FHIP1A: variants seen among roughly 807,000 people sequenced by gnomAD.
The protein encoded by FHIP1A is FHF complex subunit HOOK-interacting protein 1A.
In FHIP1A, 61 loss-of-function variants were observed where a neutral mutation model predicts 88.6. The ratio of observed to expected loss-of-function variants is 0.69; its 90% CI spans 0.56 to 0.85. The LOEUF is 0.85. Ranked by LOEUF, FHIP1A falls within the 40% of genes least tolerant of loss-of-function variation. The probability of loss-of-function intolerance (pLI) is 0.00; values close to 1 mark genes in which losing one functional copy is unlikely to be tolerated. For missense variants in FHIP1A, 1,154 were observed against 1,273.5 expected (o/e 0.91, Z 1.43); for synonymous variants, 478 against 496.0 (o/e 0.96, Z 0.48).
rs1187791295 is a variant in FHIP1A, at chr4:151,656,278, G to T, written c.2598G>T (p.Glu866Asp). Residue 866 changes from glutamate to aspartate, a missense_variant, in exon 12 of 14, where the codon GAG becomes GAT. Transcript: ENST00000435205. This position sits in a 1 kb window ranked among gnomAD's most constrained non-coding sequence, Gnocchi z 4.2. ...VVLSKLENML[E>D]NSLHVNLLLI... ...TGTCAAAGCTGGAGAACATGCTGGA[G>T]AACTCTTTACATGTTAATTTGCTGC... 1 of 1,551,652 alleles carries T rather than the reference G, an allele frequency of 6.4e-7. No individual in the cohort carries two copies. The highest frequency in any genetic ancestry group is 8.7e-7 in the Non-Finnish European group (1 of 1,146,970).
intron 2 of FHIP1A, among the ~76,000 whole-genome samples, chr4:151,475,441 A>G (rs191521041): frequency 3.9e-5 from 6 of 152,314 alleles, no homozygotes; most frequent in African/African-American, 1.4e-4. Context: ...TAGACAGGAA[A>G]GGCTTCTGTA....
chr4:151,648,348 G>A (rs551880018), intron 10 of FHIP1A, among the ~76,000 whole-genome samples: 1 of 152,282 alleles, frequency 6.6e-6, no homozygotes, highest in East Asian at 1.9e-4. Context: ...AATACTGCCA[G>A]TAGTAGTATT....
chr4:151,470,272 T>C (rs2126615437), intron 2 of FHIP1A, among the ~76,000 whole-genome samples: 1 of 152,312 alleles, frequency 6.6e-6, no homozygotes, highest in South Asian at 2.1e-4. Flanking sequence ...GCAAATGTGT[T>C]ATGTCTATGA....
intron 1 of FHIP1A, among the ~76,000 whole-genome samples, chr4:151,452,058 C>T (rs1035761851): frequency 6.0e-4 from 91 of 152,252 alleles, no homozygotes; most frequent in African/African-American, 2.1e-3. Flanking sequence ...GGAGCTCAAG[C>T]AATCCTCTTG....
chr4:151,582,694 C>T (rs1367319836), intron 5 of FHIP1A, among the ~76,000 whole-genome samples: 1 of 151,982 alleles, frequency 6.6e-6, no homozygotes, highest in Non-Finnish European at 1.5e-5. Context: ...AAAATAAGTG[C>T]AAATAAGTGA....
rs185916285 is a variant in FHIP1A, at chr4:151,415,252, T to C, written c.-356+5787T>C. Reference sequence around the variant, plus strand: ...CCCAGGCTGGAGTGCAGTGGTGCAATGTCAGCTCACTGCAACCTCTCCCTC... The same window carrying C: ...CCCAGGCTGGAGTGCAGTGGTGCAACGTCAGCTCACTGCAACCTCTCCCTC... On this transcript the variant is annotated intron_variant, in intron 1 of 13. Coordinates refer to ENST00000435205, the MANE Select transcript of FHIP1A (RefSeq NM_001109977.3). Among the ~76,000 whole-genome samples, 27 of 151,822 alleles carry C rather than the reference T, an allele frequency of 1.8e-4. No homozygotes were observed. In the East Asian group the frequency reaches 5.2e-3, roughly 29 times the overall value.
Position 151,656,160 on chromosome 4 carries a change from G to A in FHIP1A, c.2552-72G>A. ...GTGGTTTGGGAGATGTGGCACCGAT[G>A]GTTCTGCAATTGTCAGGGAAAGGCA... On this transcript the variant is annotated intron_variant, in intron 11 of 13. Coordinates refer to ENST00000435205, the MANE Select transcript of FHIP1A (RefSeq NM_001109977.3). This position sits in a 1 kb window ranked among gnomAD's most constrained non-coding sequence, Gnocchi z 4.2. The A allele has an allele frequency of 8.0e-7, 1 of 1,256,234 alleles. No individual in the cohort carries two copies. Among genetic ancestry groups the A allele is most frequent in the Non-Finnish European group, 1.1e-6 (1 of 892,312 alleles). The allele number at this position is 1,256,234 out of a possible 1,614,324, so 77.8% of individuals were successfully genotyped here.
chr4:151,540,854 G>A (rs1167495181), intron 3 of FHIP1A, among the ~76,000 whole-genome samples: 1 of 152,092 alleles, frequency 6.6e-6, no homozygotes, highest in Admixed American at 6.6e-5. Context: ...TGGCTTCCTG[G>A]TCCAATGTTC....
chr4:151,621,969 C>T (rs1399808242), intron 7 of FHIP1A, among the ~76,000 whole-genome samples: 1 of 152,184 alleles, frequency 6.6e-6, no homozygotes, highest in Non-Finnish European at 1.5e-5. Context: ...GCATCCCCAA[C>T]ATGGGCTGTT....
chr4:151,437,364 A>C (rs1040958055), intron 1 of FHIP1A, among the ~76,000 whole-genome samples: 1 of 152,118 alleles, frequency 6.6e-6, no homozygotes, highest in Non-Finnish European at 1.5e-5. Flanking sequence ...AAAATGTTGA[A>C]TATAAGAGCC....
intron 1 of FHIP1A, among the ~76,000 whole-genome samples, chr4:151,435,824 T>C (rs1728168788): frequency 1.3e-5 from 2 of 151,628 alleles, no homozygotes; most frequent in Non-Finnish European, 2.9e-5. Context: ...GTATAAAAAA[T>C]CTTTGTAGAA....
At chr4:151,603,788 T>C (rs1734966257) in intron 7 of FHIP1A, among the ~76,000 whole-genome samples, 1 of 152,230 alleles carries the variant, frequency 6.6e-6, no homozygotes, top group Non-Finnish European at 1.5e-5. Context: ...TCTTCCCAAA[T>C]ATAGTGCCAA....
chr4:151,468,284 C>CAAAAAA (rs921242622), intron 2 of FHIP1A, among the ~76,000 whole-genome samples: 11 of 38,246 alleles, frequency 2.9e-4, no homozygotes, highest in East Asian at 1.5e-3. Context: ...GACTCCATCT[C>CAAAAAA]AAAAAAAAAA....
At chr4:151,655,584 G>A (rs1421866299) in intron 11 of FHIP1A, among the ~76,000 whole-genome samples, 1 of 152,106 alleles carries the variant, frequency 6.6e-6, no homozygotes, top group Non-Finnish European at 1.5e-5. Context: ...TGGTTACCGA[G>A]TTGCTAAGGC....
chr4:151,440,532 A>C (rs186205584), intron 1 of FHIP1A, among the ~76,000 whole-genome samples: 23 of 152,236 alleles, frequency 1.5e-4, no homozygotes, highest in African/African-American at 5.5e-4. Flanking sequence ...CACTACCTCC[A>C]TGTTGTCAAG....
At chr4:151,427,775 T>C (rs1327528775) in intron 1 of FHIP1A, among the ~76,000 whole-genome samples, 1 of 152,140 alleles carries the variant, frequency 6.6e-6, no homozygotes, top group African/African-American at 2.4e-5. Flanking sequence ...GAGCATATCA[T>C]GGTAATACAG....
intron 1 of FHIP1A, among the ~76,000 whole-genome samples, chr4:151,418,216 T>G (rs774423893): frequency 6.9e-6 from 1 of 144,118 alleles, no homozygotes; most frequent in African/African-American, 2.5e-5. Context: ...TCTGACAACA[T>G]GAATTCATTG....
chr4:151,506,587 A>G (rs1730845601), intron 3 of FHIP1A, among the ~76,000 whole-genome samples: 1 of 152,158 alleles, frequency 6.6e-6, no homozygotes, highest in African/African-American at 2.4e-5. Context: ...AGAGAGCAGA[A>G]GCAAGAGAGA....
At chr4:151,415,886 T>G (rs76686610) in intron 1 of FHIP1A, among the ~76,000 whole-genome samples, 1 of 152,112 alleles carries the variant, frequency 6.6e-6, no homozygotes, top group South Asian at 2.1e-4. Flanking sequence ...TGGTAACAGC[T>G]ATAAAAATAC....
Sources: gnomAD v4.1 joint callset for allele counts (sites outside exome capture counted in the v4.1 genomes callset) on GRCh38, gnomAD v4.1.1 for gene constraint, Gnocchi (gnomAD v3.1) non-coding constraint, MANE v1.5 for transcripts, NCBI Gene and HGNC (gene_info 2026-07-23, HGNC 2026-07-21) for gene names.